Variants in PLCE1 observed in about 807,000 individuals in gnomAD.
The protein encoded by PLCE1 is 1-phosphatidylinositol 4,5-bisphosphate phosphodiesterase epsilon-1.
In PLCE1, 119 loss-of-function variants were observed where a neutral mutation model predicts 242.8. The ratio of observed to expected loss-of-function variants is 0.49; its 90% CI spans 0.42 to 0.57. The LOEUF is 0.57. PLCE1 is among the 20% of genes least tolerant of loss of function. PLCE1 has a pLI of 0.00. For missense variants in PLCE1, 2,441 were observed against 2,788.8 expected, an observed-to-expected ratio of 0.88 and a Z score of 2.81; for synonymous variants, 945 against 1,017.4, an observed-to-expected ratio of 0.93 and a Z score of 1.35.
chr10:94,111,148 T>C (rs1326608004), intron 2 of PLCE1, among the ~76,000 whole-genome samples: 1 of 152,154 alleles, frequency 6.6e-6, no homozygotes, highest in Non-Finnish European at 1.5e-5. Flanking sequence ...ATGGAGTATG[T>C]AGAAATCTAG....
chr10:94,297,785 C>T (rs1246677246), intron 23 of PLCE1, among the ~76,000 whole-genome samples: 2 of 151,910 alleles, frequency 1.3e-5, no homozygotes, highest in Non-Finnish European at 2.9e-5. Context: ...TGTGGTGGTC[C>T]ACTGCATGGA....
At chr10:94,022,017 T>C (rs1367222551) in intron 1 of PLCE1, among the ~76,000 whole-genome samples, 1 of 152,054 alleles carries the variant, frequency 6.6e-6, no homozygotes, top group African/African-American at 2.4e-5. Context: ...ATGCTCTTAG[T>C]ACTTAGCATC....
chr10:94,164,853 A>T (rs1022612341), intron 3 of PLCE1, among the ~76,000 whole-genome samples: 1 of 152,146 alleles, frequency 6.6e-6, no homozygotes, highest in East Asian at 1.9e-4. Flanking sequence ...TCCTTCTAAG[A>T]GTCAGGACCC....
chr10:94,009,571 T>C (rs1157943123), intron 1 of PLCE1, among the ~76,000 whole-genome samples: 1 of 152,208 alleles, frequency 6.6e-6, no homozygotes, highest in Non-Finnish European at 1.5e-5. Flanking sequence ...CTAAGTCTCA[T>C]CTAAGACTCA....
At chr10:94,101,147 G>C (rs1378154604) in intron 2 of PLCE1, among the ~76,000 whole-genome samples, 1 of 152,130 alleles carries the variant, frequency 6.6e-6, no homozygotes, top group Non-Finnish European at 1.5e-5. Flanking sequence ...TGAGGAAATG[G>C]GGCATGAGAC....
rs199939831 is a variant in PLCE1, at chr10:94,298,416, T to C, written c.5205T>C (p.Ser1735=). The change falls in exon 24 of 33, where the codon TCT becomes TCC. Residue 1735 remains serine, a synonymous_variant. Coordinates refer to ENST00000371380, the MANE Select transcript of PLCE1 (RefSeq NM_016341.4). This position sits in a 1 kb window ranked among gnomAD's most constrained non-coding sequence, Gnocchi z 5.2. The part of the protein sequence containing the change: ...CEGIRQTWEE[S]SSPLNPTTSL... ...GCATTCGACAGACCTGGGAGGAATC[T>C]TCTTCCCCTCTCAACCCAACCACGT... The C allele has an allele frequency of 5.4e-5, 87 of 1,614,060 alleles. No individual in the cohort carries two copies. The South Asian group carries it at 9.4e-4, about 18-fold the overall frequency.
chr10:94,101,671 C>T (rs549360758), intron 2 of PLCE1, among the ~76,000 whole-genome samples: 5 of 152,244 alleles, frequency 3.3e-5, no homozygotes, highest in South Asian at 2.1e-4. Flanking sequence ...GAAGATGTGC[C>T]GGAGTGATGG....
At chr10:94,156,446 C>G (rs976007626) in intron 3 of PLCE1, among the ~76,000 whole-genome samples, 1 of 152,178 alleles carries the variant, frequency 6.6e-6, no homozygotes, top group Non-Finnish European at 1.5e-5. Context: ...CAGGGAAACA[C>G]TTTACTTACT....
At chr10:94,241,784 C>G (rs182778424) in intron 7 of PLCE1, among the ~76,000 whole-genome samples, 80 of 138,744 alleles carry the variant, frequency 5.8e-4, no homozygotes, top group African/African-American at 2.0e-3. Context: ...AAGACTCCAT[C>G]TCCAGAAAAA....
chr10:94,154,027 G>C (rs1255448378), intron 3 of PLCE1, among the ~76,000 whole-genome samples: 2 of 152,060 alleles, frequency 1.3e-5, no homozygotes, highest in African/African-American at 4.8e-5. Context: ...AGGGAACCCA[G>C]AATAGCCAAA....
intron 4 of PLCE1, among the ~76,000 whole-genome samples, chr10:94,210,574 T>G (rs1322724707): frequency 6.6e-6 from 1 of 152,208 alleles, no homozygotes; most frequent in Non-Finnish European, 1.5e-5. Flanking sequence ...TCTGCTGGTC[T>G]GAGGCTCACT....
At chr10:94,240,500 A>G (rs1365567824) in intron 7 of PLCE1, among the ~76,000 whole-genome samples, 2 of 152,172 alleles carry the variant, frequency 1.3e-5, no homozygotes, top group Non-Finnish European at 2.9e-5. Flanking sequence ...TAAAAACGCT[A>G]GATTTTATTA....
At chr10:94,083,730 G>C (rs57149229) in intron 2 of PLCE1, among the ~76,000 whole-genome samples, 7,296 of 152,260 alleles carry the variant, frequency 0.048, 452 homozygotes, top group African/African-American at 0.14. Context: ...CTAATTTTAA[G>C]ATCATCTTTC....
chr10:94,194,350 T>A (rs1448905047), intron 4 of PLCE1, among the ~76,000 whole-genome samples: 1 of 152,204 alleles, frequency 6.6e-6, no homozygotes, highest in Non-Finnish European at 1.5e-5. Flanking sequence ...GAGACAGCCC[T>A]CTGTTCTTAA....
chr10:94,285,883 A>T (rs571621457), intron 22 of PLCE1, among the ~76,000 whole-genome samples: 2 of 152,170 alleles, frequency 1.3e-5, no homozygotes, highest in Non-Finnish European at 2.9e-5. Context: ...ACCACTTTCC[A>T]AAAACAGTGT....
intron 1 of PLCE1, among the ~76,000 whole-genome samples, chr10:94,024,670 G>T (rs2134413750): frequency 6.6e-6 from 1 of 152,154 alleles, no homozygotes; most frequent in Non-Finnish European, 1.5e-5. Context: ...TGTTATTGTT[G>T]TTAAGTCACA....
intron 4 of PLCE1, among the ~76,000 whole-genome samples, chr10:94,217,552 T>C (rs926716867): frequency 5.3e-5 from 8 of 152,162 alleles, no homozygotes; most frequent in African/African-American, 1.4e-4. Flanking sequence ...ATAATTGGCT[T>C]CACAAGGAAT....
At chr10:94,316,328 T>C (rs750473681) in intron 28 of PLCE1, among the ~76,000 whole-genome samples, 1 of 152,228 alleles carries the variant, frequency 6.6e-6, no homozygotes, top group Non-Finnish European at 1.5e-5. Context: ...ATAGTTATGC[T>C]GTCTGGGGAT....
intron 2 of PLCE1, among the ~76,000 whole-genome samples, chr10:94,050,481 G>C (rs1299579589): frequency 1.3e-5 from 2 of 152,046 alleles, no homozygotes; most frequent in African/African-American, 4.8e-5. Context: ...TACAGTTAGA[G>C]ATGAGATTTG....
Sources: gnomAD v4.1 joint callset for allele counts (sites outside exome capture counted in the v4.1 genomes callset) on GRCh38, gnomAD v4.1.1 for gene constraint, Gnocchi (gnomAD v3.1) non-coding constraint, MANE v1.5 for transcripts, NCBI Gene and HGNC (gene_info 2026-07-23, HGNC 2026-07-21) for gene names.